ZNG1F: variants seen among roughly 807,000 people sequenced by gnomAD.
The protein encoded by ZNG1F is Zn regulated GTPase metalloprotein activator 1F.
the ZNG1F span, among the ~76,000 whole-genome samples, chr9:41,146,147 TTCC>T: frequency 6.8e-6 from 1 of 146,304 alleles, no homozygotes; most frequent in Non-Finnish European, 1.5e-5. Flanking sequence ...AATTAAATCC[TTCC>T]CAGCTGGTTG....
the ZNG1F span, chr9:41,145,810 G>T: frequency 1.1e-5 from 1 of 93,962 alleles, no homozygotes; most frequent in East Asian, 2.8e-4. Flanking sequence ...AAAAGAAATA[G>T]TATCCATAAA....
At chr9:41,193,735 A>G in the ZNG1F span, among the ~76,000 whole-genome samples, 1 of 151,978 alleles carries the variant, frequency 6.6e-6, no homozygotes, top group Non-Finnish European at 1.5e-5. Flanking sequence ...CCCCATCTAT[A>G]CTAAAAATAC....
At chr9:41,199,969 A>G in the ZNG1F span, among the ~76,000 whole-genome samples, 1 of 144,740 alleles carries the variant, frequency 6.9e-6, no homozygotes, top group Non-Finnish European at 1.5e-5. Context: ...GGCCTAGCCC[A>G]CAAAACCACT....
chr9:41,132,009 A>T, the ZNG1F span: 1 of 682,248 alleles, frequency 1.5e-6, no homozygotes, highest in South Asian at 2.0e-5. Flanking sequence ...TCAAAGTCAC[A>T]TTGGTCCTTG....
At chr9:41,165,269 G>A in the ZNG1F span, among the ~76,000 whole-genome samples, 136 of 56,538 alleles carry the variant, frequency 2.4e-3, 1 homozygote, top group African/African-American at 9.9e-3. Flanking sequence ...CTCCTAATCC[G>A]CTAATTTTTC....
chr9:41,166,265 A>T, the ZNG1F span, among the ~76,000 whole-genome samples: 1,703 of 135,786 alleles, frequency 0.013, 61 homozygotes, highest in African/African-American at 0.034. Context: ...TAAATAAAAT[A>T]AAAAAATGCA....
the ZNG1F span, among the ~76,000 whole-genome samples, chr9:41,179,904 AG>A: frequency 7.6e-6 from 1 of 130,848 alleles, no homozygotes; most frequent in Non-Finnish European, 1.6e-5. Context: ...ATTTTATGAA[AG>A]GGAGAGTCAA....
the ZNG1F span, chr9:41,171,943 T>G: frequency 9.5e-5 from 16 of 167,798 alleles, no homozygotes; most frequent in Non-Finnish European, 1.6e-4. Context: ...ACCTGGGAAG[T>G]TGAGAAACAT....
At chr9:41,165,022 T>G in the ZNG1F span, 3 of 1,588,316 alleles carry the variant, frequency 1.9e-6, no homozygotes, top group Non-Finnish European at 2.6e-6. Flanking sequence ...TCTTAATTTC[T>G]TTACATCTTC....
At chr9:41,151,145 G>GCTTA in the ZNG1F span, among the ~76,000 whole-genome samples, 1 of 133,564 alleles carries the variant, frequency 7.5e-6, no homozygotes, top group Non-Finnish European at 1.6e-5. Flanking sequence ...CCAATACAGA[G>GCTTA]AAGTGCTTAA....
chr9:41,185,522 A>C, the ZNG1F span, among the ~76,000 whole-genome samples: 1 of 137,250 alleles, frequency 7.3e-6, no homozygotes, highest in African/African-American at 2.7e-5. Flanking sequence ...AAAATACAAA[A>C]ATTATCTGGG....
the ZNG1F span, among the ~76,000 whole-genome samples, chr9:41,166,268 A>T: frequency 1.5e-5 from 2 of 136,236 alleles, no homozygotes; most frequent in African/African-American, 5.6e-5. Flanking sequence ...ATAAAATAAA[A>T]AAATGCAAAA....
At chr9:41,183,545 C>T in the ZNG1F span, 415 of 1,580,086 alleles carry the variant, frequency 2.6e-4, 17 homozygotes, top group Non-Finnish European at 3.5e-4. Context: ...ACCATGTACA[C>T]AGTAAACACA....
chr9:41,150,034 CGA>C, the ZNG1F span, among the ~76,000 whole-genome samples: 1 of 38,044 alleles, frequency 2.6e-5, no homozygotes, highest in African/African-American at 5.6e-5. Context: ...AGAAGACAGG[CGA>C]TTTCTACATT....
chr9:41,132,603 G>C, the ZNG1F span: 1 of 1,257,860 alleles, frequency 8.0e-7, no homozygotes, highest in Admixed American at 3.5e-5. Context: ...TAATGATAAA[G>C]TTAATACATA....
At chr9:41,180,673 TGTGTGC>T in the ZNG1F span, among the ~76,000 whole-genome samples, 1 of 109,982 alleles carries the variant, frequency 9.1e-6, no homozygotes, top group Non-Finnish European at 1.9e-5. Flanking sequence ...TGTGTGTGTG[TGTGTGC>T]GTGTGCATGT....
chr9:41,149,925 G>A, the ZNG1F span, among the ~76,000 whole-genome samples: 2 of 149,888 alleles, frequency 1.3e-5, no homozygotes, highest in East Asian at 2.0e-4. Context: ...ACAGGAGAAG[G>A]CAGAAAACTA....
the ZNG1F span, among the ~76,000 whole-genome samples, chr9:41,183,957 G>C: frequency 1.4e-5 from 2 of 148,020 alleles, no homozygotes; most frequent in Admixed American, 6.9e-5. Flanking sequence ...CTTAATGAAG[G>C]CATTTTTTTC....
At chr9:41,165,137 C>A in the ZNG1F span, 5 of 1,453,444 alleles carry the variant, frequency 3.4e-6, no homozygotes, top group Admixed American at 1.9e-5. Context: ...ATAATATACA[C>A]GCATGCAGAT....
Sources: gnomAD v4.1 joint callset for allele counts (sites outside exome capture counted in the v4.1 genomes callset) on GRCh38, gnomAD v4.1.1 for gene constraint, MANE v1.5 for transcripts, NCBI Gene and HGNC (gene_info 2026-07-23, HGNC 2026-07-21) for gene names.